The following NCOA7 variants were observed in gnomAD, a reference collection of about 807,000 sequenced individuals.
The protein encoded by NCOA7 is nuclear receptor coactivator 7.
In NCOA7, 45 loss-of-function variants were observed where a neutral mutation model predicts 104.3. That is an observed-to-expected ratio of 0.43 (90% CI 0.34 to 0.55). NCOA7 has a LOEUF of 0.55. Ranked by LOEUF, NCOA7 falls within the 20% of genes least tolerant of loss-of-function variation. The pLI is 0.02. For missense variants in NCOA7, 1,041 were observed against 1,119.7 expected, an observed-to-expected ratio of 0.93 and a Z score of 1.00; for synonymous variants, 398 against 402.3, an observed-to-expected ratio of 0.99 and a Z score of 0.13.
chr6:125,909,863 G>A (rs896295722), intron 10 of NCOA7, among the ~76,000 whole-genome samples: 1 of 152,132 alleles, frequency 6.6e-6, no homozygotes, highest in African/African-American at 2.4e-5. Flanking sequence ...GTGATTTGAG[G>A]GAGGATTCAA....
intron 10 of NCOA7, among the ~76,000 whole-genome samples, chr6:125,906,395 A>G (rs772654142): frequency 1.3e-5 from 2 of 152,150 alleles, no homozygotes; most frequent in African/African-American, 4.8e-5. Context: ...AAAAAAAGCT[A>G]CAGGTGAGTA....
At chr6:125,898,562 A>G (rs750187559) in intron 10 of NCOA7, among the ~76,000 whole-genome samples, 30 of 152,148 alleles carry the variant, frequency 2.0e-4, no homozygotes, top group African/African-American at 2.7e-4. Flanking sequence ...ACAATTTCCT[A>G]TTCTTTAGTT....
At position 125,921,028 on chromosome 6, in the gene NCOA7, G is replaced by C. The variant is rs756190152; in HGVS notation, c.2330G>C (p.Arg777Pro). The C allele has an allele frequency of 6.2e-7, 1 of 1,613,664 alleles. No individual in the cohort carries two copies. Among genetic ancestry groups the C allele is most frequent in the African/African-American group, 1.3e-5 (1 of 74,896 alleles). Residue 777 changes from arginine to proline, a missense_variant, in exon 12 of 16, where the codon CGG becomes CCG. Physicochemically the swap from Arg to Pro is moderately radical, Grantham distance 103. Coordinates refer to ENST00000392477, the MANE Select transcript of NCOA7 (RefSeq NM_181782.5). ...GACGAAGAGGTGCTGCCTGTCCTAC[G>C]GCCCCACAGCGCGCTCCTGGAGAAT... is the stretch of plus-strand genomic sequence containing the variant. ...DEDEEVLPVLRPHSALLENMH... is the reference protein window; with the variant it reads ...DEDEEVLPVLPPHSALLENMH...
intron 2 of NCOA7, among the ~76,000 whole-genome samples, chr6:125,825,908 A>G (rs547356886): frequency 1.3e-5 from 2 of 152,366 alleles, no homozygotes; most frequent in African/African-American, 4.8e-5. Context: ...AAAAACAGGT[A>G]TATACACACA....
At chr6:125,902,480 TG>T (rs1411522215) in intron 10 of NCOA7, among the ~76,000 whole-genome samples, 3 of 150,492 alleles carry the variant, frequency 2.0e-5, no homozygotes, top group Non-Finnish European at 2.9e-5. Flanking sequence ...CTCATAGCCA[TG>T]TTTTTTTTTT....
intron 1 of NCOA7, among the ~76,000 whole-genome samples, chr6:125,814,954 A>G (rs1196096679): frequency 6.6e-6 from 1 of 151,788 alleles, no homozygotes; most frequent in East Asian, 1.9e-4. Context: ...TATGAGTTCA[A>G]TTTTTTTTTA....
At chr6:125,827,784 A>G (rs888786931) in intron 2 of NCOA7, among the ~76,000 whole-genome samples, 1 of 152,230 alleles carries the variant, frequency 6.6e-6, no homozygotes, top group Non-Finnish European at 1.5e-5. Flanking sequence ...AAGATGGCCA[A>G]TGTTCCTTGA....
intron 3 of NCOA7, among the ~76,000 whole-genome samples, chr6:125,871,522 CAATT>C (rs1400980219): frequency 6.6e-6 from 1 of 152,202 alleles, no homozygotes; most frequent in Non-Finnish European, 1.5e-5. Context: ...GATATAAAGA[CAATT>C]AAATTATATC....
At chr6:125,834,165 A>G (rs1779417412) in intron 2 of NCOA7, among the ~76,000 whole-genome samples, 1 of 150,906 alleles carries the variant, frequency 6.6e-6, no homozygotes, top group African/African-American at 2.4e-5. Flanking sequence ...TTGTTTTAAT[A>G]AAAACAAATA....
chr6:125,883,150 G>T (rs2128649275), intron 7 of NCOA7, among the ~76,000 whole-genome samples: 1 of 152,054 alleles, frequency 6.6e-6, no homozygotes, highest in South Asian at 2.1e-4. Context: ...GTGTGTTTTT[G>T]TTTTTTTGTT....
chr6:125,806,679 G>T (rs1776481998), intron 1 of NCOA7, among the ~76,000 whole-genome samples: 1 of 152,016 alleles, frequency 6.6e-6, no homozygotes, highest in Non-Finnish European at 1.5e-5. Flanking sequence ...AATGAGTGAG[G>T]CAGTCCAAGA....
chr6:125,883,705 C>T (rs1196774068), intron 7 of NCOA7, among the ~76,000 whole-genome samples: 2 of 150,118 alleles, frequency 1.3e-5, no homozygotes, highest in Non-Finnish European at 3.0e-5. Context: ...CCCTAACCAC[C>T]TACACCTCTT....
chr6:125,926,139 C>T (rs1412185310), intron 13 of NCOA7, among the ~76,000 whole-genome samples: 4 of 152,100 alleles, frequency 2.6e-5, no homozygotes, highest in East Asian at 3.9e-4. Flanking sequence ...GGTGAAACCC[C>T]GTCTCTACTA....
intron 10 of NCOA7, among the ~76,000 whole-genome samples, chr6:125,902,175 C>A (rs937933442): frequency 1.3e-5 from 2 of 152,084 alleles, no homozygotes; most frequent in Non-Finnish European, 2.9e-5. Context: ...AGGGTGGAAC[C>A]CTTGCAGAGA....
chr6:125,896,810 G>T (rs1007382057), intron 10 of NCOA7, among the ~76,000 whole-genome samples: 3 of 152,000 alleles, frequency 2.0e-5, no homozygotes, highest in African/African-American at 7.2e-5. Context: ...AAAATAAAAA[G>T]ATTATTTATA....
chr6:125,920,533 A>G (rs1319590768), intron 11 of NCOA7, among the ~76,000 whole-genome samples: 3 of 152,216 alleles, frequency 2.0e-5, no homozygotes, highest in Non-Finnish European at 2.9e-5. Flanking sequence ...ATCAGCAGCT[A>G]TACTAAAACT....
At position 125,885,254 on chromosome 6, in the gene NCOA7, G is replaced by A; in HGVS notation, c.795G>A (p.Glu265=). Residue 265 remains glutamate, a synonymous_variant, in exon 8 of 16, where the codon GAG becomes GAA. Coordinates refer to ENST00000392477, the MANE Select transcript of NCOA7 (RefSeq NM_181782.5). ...DPLVIENGCE[E]YGLICPMEEV... The stretch of plus-strand genomic sequence containing the variant: ...TGGTTATTGAAAATGGGTGTGAGGA[G>A]TATGGTCTCATCTGCCCCATGGAAG... The A allele has an allele frequency of 6.2e-7, 1 of 1,614,084 alleles. No homozygotes were observed. The highest frequency in any genetic ancestry group is 8.5e-7 in the Non-Finnish European group (1 of 1,179,958).
chr6:125,849,597 G>T (rs541175912), intron 2 of NCOA7, among the ~76,000 whole-genome samples: 2 of 152,124 alleles, frequency 1.3e-5, no homozygotes, highest in East Asian at 3.9e-4. Flanking sequence ...CATAATAAAA[G>T]AAGAAAAATA....
Position 125,878,293 on chromosome 6 carries a change from G to A in NCOA7, c.382G>A (p.Ala128Thr), listed in dbSNP as rs1185037863. The A allele has an allele frequency of 1.2e-6, 2 of 1,612,244 alleles. No individual in the cohort carries two copies. Among genetic ancestry groups the A allele is most frequent in the East Asian group, 2.2e-5 (1 of 44,692 alleles). Residue 128 changes from alanine to threonine, a missense_variant, in exon 5 of 16, where the codon GCA (alanine) becomes ACA (threonine). Ala to Thr is a moderately conservative substitution (Grantham distance 58, BLOSUM62 0). Coordinates refer to ENST00000392477, the MANE Select transcript of NCOA7 (RefSeq NM_181782.5). ...AAACCAGGACACCCTAAACTCCATA[G>A]CACTGAAATTTAACATCACTCCCAA... Reference protein sequence around the residue: ...AGNQDTLNSIALKFNITPNKL... With the variant: ...AGNQDTLNSITLKFNITPNKL...
Sources: gnomAD v4.1 joint callset for allele counts (sites outside exome capture counted in the v4.1 genomes callset) on GRCh38, gnomAD v4.1.1 for gene constraint, MANE v1.5 for transcripts, NCBI Gene and HGNC (gene_info 2026-07-23, HGNC 2026-07-21) for gene names.